The following ARHGAP42 variants were observed in gnomAD, a reference collection of about 807,000 sequenced individuals.
The protein encoded by ARHGAP42 is Rho GTPase activating protein 42, also known as rho GTPase-activating protein 42.
A neutral mutation model predicts 125.0 loss-of-function variants in ARHGAP42; 63 were observed. The observed-to-expected ratio is 0.50, with a 90% CI of 0.41 to 0.62. ARHGAP42 has a LOEUF of 0.62. ARHGAP42 is among the 20% of genes least tolerant of loss of function. The probability of loss-of-function intolerance (pLI) is 0.00; values close to 1 mark genes in which losing one functional copy is unlikely to be tolerated. For synonymous variants in ARHGAP42, 339 were observed against 351.0 expected, an observed-to-expected ratio of 0.97 and a Z score of 0.38; for missense variants, 766 against 1,024.2, an observed-to-expected ratio of 0.75 and a Z score of 3.44.
rs925874395 is a variant in ARHGAP42 at position 100,858,155 on chromosome 11, G to A, written c.313-1399G>A. On this transcript the variant is annotated intron_variant, in intron 3 of 23. Transcript: ENST00000298815. ...TAATTAGGGTTTTAATGAGGGCATA[G>A]AGGTTTTAGAGAGAGAATTAAAAGT... Among the ~76,000 whole-genome samples the A allele has an allele frequency of 8.0e-5, 12 of 149,122 alleles. No individual in the cohort carries two copies. In the Admixed American group the frequency reaches 8.1e-4, roughly 10 times the overall value.
intron 1 of ARHGAP42, among the ~76,000 whole-genome samples, chr11:100,696,597 C>CA (rs1376169203): frequency 6.6e-6 from 1 of 152,054 alleles, no homozygotes; most frequent in African/African-American, 2.4e-5. Flanking sequence ...TCATATGATC[C>CA]ACCCGCCTCA....
chr11:100,899,733 TG>T (rs1469234342), intron 4 of ARHGAP42, among the ~76,000 whole-genome samples: 756 of 36,320 alleles, frequency 0.021, 11 homozygotes, highest in African/African-American at 0.034. Flanking sequence ...TTTTTTTTTT[TG>T]TTTTTTTTTG....
chr11:100,901,728 G>A (rs947724999), intron 4 of ARHGAP42, among the ~76,000 whole-genome samples: 2 of 152,224 alleles, frequency 1.3e-5, no homozygotes, highest in African/African-American at 4.8e-5. Flanking sequence ...GCCAGGCACG[G>A]GAGAGAATCT....
Position 100,991,216 on chromosome 11 carries a change from G to A in ARHGAP42, c.*2415G>A, listed in dbSNP as rs1310728865. 1 of 152,168 alleles carries A rather than the reference G, an allele frequency of 6.6e-6. No homozygotes were observed. The highest frequency in any genetic ancestry group is 1.5e-5 in the Non-Finnish European group (1 of 68,030). The allele number at this position is 152,168 out of a possible 1,614,324, so 9.4% of individuals were successfully genotyped here. On this transcript the variant is annotated 3_prime_UTR_variant, in exon 24 of 24. Coordinates refer to ENST00000298815, the MANE Select transcript of ARHGAP42 (RefSeq NM_152432.4). ...GTAAGCAAGTCATGGCCATATACTG[G>A]AGACGGGCTAAAGCTGCTTTTCCCT...
chr11:100,770,481 T>G, intron 2 of ARHGAP42, 43 bp downstream of exon 2: 1 of 1,339,622 alleles, frequency 7.5e-7, no homozygotes, highest in Non-Finnish European at 1.0e-6. Flanking sequence ...TAATATTTAT[T>G]TTACTGAAAT....
At chr11:100,690,570 G>A (rs778871235) in intron 1 of ARHGAP42, among the ~76,000 whole-genome samples, 1 of 152,038 alleles carries the variant, frequency 6.6e-6, no homozygotes, top group Non-Finnish European at 1.5e-5. Context: ...CTTAACACGT[G>A]TTTAAATATC....
At chr11:100,837,795 C>A (rs1020114742) in intron 3 of ARHGAP42, among the ~76,000 whole-genome samples, 21 of 147,938 alleles carry the variant, frequency 1.4e-4, no homozygotes, top group African/African-American at 5.2e-4. Flanking sequence ...GGGCATAATG[C>A]AGCCAAGGGT....
In ARHGAP42 at chr11:100,831,421, C is replaced by T. The variant is rs371481942; in HGVS notation, c.313-28133C>T. On this transcript the variant is annotated intron_variant, in intron 3 of 23. Coordinates refer to ENST00000298815, the MANE Select transcript of ARHGAP42 (RefSeq NM_152432.4). ...CGGAACTGACTTAAAAGGAGTCATC[C>T]ACATCGTTAGGATATTATAACATTG... Among the ~76,000 whole-genome samples, 9 of 152,206 alleles carry T rather than the reference C, an allele frequency of 5.9e-5. No individual in the cohort carries two copies. The South Asian group carries it at 1.5e-3, about 25-fold the overall frequency.
chr11:100,727,780 C>T (rs1281912929), intron 1 of ARHGAP42, among the ~76,000 whole-genome samples: 2 of 152,132 alleles, frequency 1.3e-5, no homozygotes, highest in African/African-American at 2.4e-5. Flanking sequence ...TGTAATAAAT[C>T]GACAGTAGTA....
intron 1 of ARHGAP42, among the ~76,000 whole-genome samples, chr11:100,747,899 C>T (rs1020376675): frequency 6.6e-6 from 1 of 152,074 alleles, no homozygotes; most frequent in Non-Finnish European, 1.5e-5. Flanking sequence ...TGCAAACATC[C>T]CTTTCTCTAA....
At chr11:100,698,463 C>G (rs1861328417) in intron 1 of ARHGAP42, among the ~76,000 whole-genome samples, 1 of 151,994 alleles carries the variant, frequency 6.6e-6, no homozygotes, top group African/African-American at 2.4e-5. Flanking sequence ...AGAGCGAGAC[C>G]CTGTCTTAAA....
intron 1 of ARHGAP42, among the ~76,000 whole-genome samples, chr11:100,761,487 T>C (rs1813732630): frequency 6.6e-6 from 1 of 152,234 alleles, no homozygotes; most frequent in Non-Finnish European, 1.5e-5. Context: ...ACTTGGGTTG[T>C]AGCAAAGTGA....
intron 17 of ARHGAP42, among the ~76,000 whole-genome samples, chr11:100,971,110 T>A (rs1222954421): frequency 6.6e-6 from 1 of 152,146 alleles, no homozygotes; most frequent in Non-Finnish European, 1.5e-5. Flanking sequence ...CAGTTGTACC[T>A]CAAAAGCCAC....
chr11:100,773,029 G>A (rs908656901), intron 2 of ARHGAP42, among the ~76,000 whole-genome samples: 1 of 152,176 alleles, frequency 6.6e-6, no homozygotes, highest in East Asian at 1.9e-4. Flanking sequence ...TAGAGATGGG[G>A]TTTCCCCATG....
chr11:100,834,378 A>G (rs1253874459), intron 3 of ARHGAP42, among the ~76,000 whole-genome samples: 3 of 152,106 alleles, frequency 2.0e-5, no homozygotes, highest in Non-Finnish European at 2.9e-5. Flanking sequence ...TAGTCTACCT[A>G]TGTCCTTTTG....
chr11:100,976,284 A>G lies in ARHGAP42; in HGVS notation c.2083A>G (p.Thr695Ala). 9.0e-6 allele frequency: 14 copies of G among 1,551,764 alleles called. No homozygotes were observed. The highest frequency in any genetic ancestry group is 1.2e-5 in the Non-Finnish European group (14 of 1,146,928). ...AAGTTCCAGAGAAGATGCAACCAAG[A>G]CAGATGCAGAATCAGACTGCCAGAG... is the stretch of plus-strand genomic sequence containing the variant. ...ESSSREDATK[T>A]DAESDCQSVA... Residue 695 changes from threonine to alanine, a missense_variant, in exon 20 of 24, where the codon ACA becomes GCA. Thr to Ala is a moderately conservative substitution (Grantham distance 58, BLOSUM62 0). Around this residue, in one of 3 missense-constraint regions of ARHGAP42, gnomAD observed 308 missense variants for 369.7 expected, o/e 0.83. Coordinates refer to ENST00000298815, the MANE Select transcript of ARHGAP42 (RefSeq NM_152432.4).
rs1181246526 is a variant in ARHGAP42 at position 100,687,355 on chromosome 11, A to T, written c.-324A>T. ...CGGAAGTGTCTGCGCGCCGTGAGAG[A>T]AACTTTCCTGCTCCGGCCGCGGCCC... On this transcript the variant is annotated 5_prime_UTR_variant, in exon 1 of 24. Transcript: ENST00000298815. Among the ~76,000 whole-genome samples, 2 of 151,912 alleles carry T rather than the reference A, an allele frequency of 1.3e-5. No homozygotes were observed. Among genetic ancestry groups the T allele is most frequent in the African/African-American group, 4.8e-5 (2 of 41,366 alleles).
At chr11:100,776,171 A>AAT (rs1554995757) in intron 2 of ARHGAP42, among the ~76,000 whole-genome samples, 9 of 151,856 alleles carry the variant, frequency 5.9e-5, no homozygotes, top group East Asian at 3.9e-4. Context: ...AAAAAAAAAA[A>AAT]AGTTAGATAT....
At chr11:100,834,714 A>T (rs1288365992) in intron 3 of ARHGAP42, among the ~76,000 whole-genome samples, 2 of 152,078 alleles carry the variant, frequency 1.3e-5, no homozygotes, top group African/African-American at 4.8e-5. Context: ...CTGTAGCCAA[A>T]AAAAGAATAG....
Sources: gnomAD v4.1 joint callset for allele counts (sites outside exome capture counted in the v4.1 genomes callset) on GRCh38, gnomAD v4.1.1 for gene constraint, gnomAD v4.1.1 regional missense constraint, MANE v1.5 for transcripts, NCBI Gene and HGNC (gene_info 2026-07-23, HGNC 2026-07-21) for gene names.